The following MARCHF1 variants were observed in gnomAD, a reference collection of about 807,000 sequenced individuals.
MARCHF1 encodes membrane associated ring-CH-type finger 1.
A neutral mutation model predicts 54.2 loss-of-function variants in MARCHF1; 40 were observed. The ratio of observed to expected loss-of-function variants is 0.74; its 90% CI spans 0.57 to 0.96. The LOEUF is 0.96. Among genes scored for constraint, MARCHF1 ranks in the 40% least tolerant of loss-of-function variants. The probability of loss-of-function intolerance (pLI) is 0.00; values close to 1 mark genes in which losing one functional copy is unlikely to be tolerated. For missense variants in MARCHF1, 586 were observed against 656.5 expected (o/e 0.89, Z 1.17); for synonymous variants, 236 against 236.3 (o/e 1.00, Z 0.01).
At chr4:163,718,413 G>A (rs1745332972) in intron 4 of MARCHF1, among the ~76,000 whole-genome samples, 1 of 152,130 alleles carries the variant, frequency 6.6e-6, no homozygotes, top group African/African-American at 2.4e-5. Context: ...ATCTGACAAA[G>A]GGCTAATATC....
At chr4:164,373,402 T>C (rs1287085306) in intron 1 of MARCHF1, among the ~76,000 whole-genome samples, 1 of 136,156 alleles carries the variant, frequency 7.3e-6, no homozygotes, top group Non-Finnish European at 1.5e-5. Flanking sequence ...TCACCCAGGC[T>C]AGAATACAAT....
intron 2 of MARCHF1, among the ~76,000 whole-genome samples, chr4:164,021,646 T>C (rs1753667124): frequency 1.3e-5 from 2 of 152,088 alleles, no homozygotes; most frequent in East Asian, 3.9e-4. Context: ...GAAAATATGG[T>C]CCATTTTTGA....
chr4:164,142,377 A>G (rs533327645), intron 1 of MARCHF1, among the ~76,000 whole-genome samples: 2 of 152,268 alleles, frequency 1.3e-5, no homozygotes, highest in East Asian at 1.9e-4. Context: ...CAGGGCACAG[A>G]CAAACAAAAA....
At chr4:163,545,468 A>G in intron 9 of MARCHF1, 128 bp downstream of exon 9, 1 of 800,940 alleles carries the variant, frequency 1.2e-6, no homozygotes, top group South Asian at 2.1e-5. Flanking sequence ...GGAAGAATCA[A>G]TAGCAAATAC....
At chr4:164,162,560 A>G (rs924578706) in intron 1 of MARCHF1, among the ~76,000 whole-genome samples, 2 of 152,186 alleles carry the variant, frequency 1.3e-5, no homozygotes, top group African/African-American at 4.8e-5. Context: ...CATATTTGGA[A>G]ACCAGAGGAC....
intron 5 of MARCHF1, among the ~76,000 whole-genome samples, chr4:163,644,456 C>T (rs1035127666): frequency 6.6e-6 from 1 of 152,176 alleles, no homozygotes; most frequent in East Asian, 1.9e-4. Context: ...CTCCTCTCAG[C>T]TATGGTCTGA....
chr4:163,980,769 A>T (rs4056326), intron 3 of MARCHF1, among the ~76,000 whole-genome samples: 80,440 of 152,094 alleles, frequency 0.53, 22,805 homozygotes, highest in Middle Eastern at 0.68. Flanking sequence ...TTTTAAGTTA[A>T]AATGAAACAG....
rs183577585 is a variant in MARCHF1 at position 163,876,089 on chromosome 4, A to T, written c.-38-21920T>A. On this transcript the variant is annotated intron_variant, in intron 3 of 9. Transcript: ENST00000514618. ...TATTTTAAAAATAAATATTCACAGA[A>T]ATTATATCATGACAAACCCTAGACA... is the stretch of plus-strand genomic sequence containing the variant. Among the ~76,000 whole-genome samples the T allele has an allele frequency of 2.4e-3, 363 of 152,246 alleles. 9 individuals carry two copies. The highest frequency in any genetic ancestry group is 8.1e-4 in the Non-Finnish European group (55 of 67,986).
intron 3 of MARCHF1, among the ~76,000 whole-genome samples, chr4:163,913,946 C>A (rs933019475): frequency 6.6e-6 from 1 of 152,102 alleles, no homozygotes; most frequent in Non-Finnish European, 1.5e-5. Flanking sequence ...ACAAAACAGG[C>A]GTGAGTCTGA....
At position 163,700,845 on chromosome 4, in the gene MARCHF1, G is replaced by C. The variant is rs867253866; in HGVS notation, c.130C>G (p.Arg44Gly). 6.5e-7 allele frequency: 1 copy of C among 1,535,964 alleles called. No individual in the cohort carries two copies. ...ATGTTACTTGATCGACTTGCAGATC[G>C]CCCTGGGGATTTTTCATTCTGAAAA... ...TSTLNEKSPG[R>G]SASRSSNISK... The change falls in exon 5 of 10, where the codon CGA becomes GGA. Residue 44 changes from arginine to glycine, a missense_variant. Arg to Gly is a moderately radical substitution (Grantham distance 125, BLOSUM62 -2). Transcript: ENST00000514618.
chr4:164,078,773 T>C (rs1259027099), intron 2 of MARCHF1, among the ~76,000 whole-genome samples: 1 of 152,178 alleles, frequency 6.6e-6, no homozygotes, highest in African/African-American at 2.4e-5. Context: ...TTTCCGAGCA[T>C]AAAAACCTGT....
At chr4:163,596,455 G>A (rs1056549480) in intron 7 of MARCHF1, among the ~76,000 whole-genome samples, 1 of 148,190 alleles carries the variant, frequency 6.7e-6, no homozygotes, top group African/African-American at 2.5e-5. Flanking sequence ...CGGGAGAATC[G>A]CTTGAACTCG....
chr4:163,612,903 C>T lies in MARCHF1; in HGVS notation c.378G>A (p.Glu126=). 2.0e-6 allele frequency: 3 copies of T among 1,535,510 alleles called. No homozygotes were observed. Among genetic ancestry groups the T allele is most frequent in the Non-Finnish European group, 2.6e-6 (3 of 1,146,528 alleles). The change falls in exon 7 of 10, where the codon GAG becomes GAA. Residue 126 remains glutamate, a synonymous_variant. Transcript: ENST00000514618. ...GTTCTTCTGCAGCATGCTCATATCT[C>T]TCAGAGGCTTTTCTCCTCCTCCTAG... The part of the protein sequence containing the change: ...QRPRRRRKAS[E]RYEHAAEEQI...
chr4:164,283,356 C>T (rs1042774395), intron 1 of MARCHF1, among the ~76,000 whole-genome samples: 3 of 150,864 alleles, frequency 2.0e-5, no homozygotes, highest in Non-Finnish European at 2.9e-5. Flanking sequence ...TTAAACACAC[C>T]TTCCCTACCA....
At chr4:164,336,393 G>C (rs1729739924) in intron 1 of MARCHF1, among the ~76,000 whole-genome samples, 1 of 152,208 alleles carries the variant, frequency 6.6e-6, no homozygotes, top group Admixed American at 6.5e-5. Context: ...ATCCATTGAA[G>C]AAGGATTTAC....
In MARCHF1 at chr4:164,275,545, C is replaced by A. The variant is rs1733858112; in HGVS notation, c.-323+108325G>T. Among the ~76,000 whole-genome samples the A allele has an allele frequency of 2.0e-5, 3 of 152,202 alleles. 1 individual carries two copies. The South Asian group carries it at 6.2e-4, about 31-fold the overall frequency. On this transcript the variant is annotated intron_variant, in intron 1 of 9. Transcript: ENST00000514618. ...ACGTTTGGATAATTTTTCCTTGTCC[C>A]TTGACATAAACTTGATAAATAACTG...
chr4:164,254,368 ATATAAAGTTAATACTTAACAAACT>A (rs1390994976), intron 1 of MARCHF1, among the ~76,000 whole-genome samples: 2 of 148,506 alleles, frequency 1.3e-5, no homozygotes, highest in Non-Finnish European at 3.0e-5. Context: ...ACTCCCCTTT[ATATAAAGTTAATACTTAACAAACT>A]TATAAAGTTA....
chr4:163,933,310 T>C, intron 3 of MARCHF1: 1 of 560,862 alleles, frequency 1.8e-6, no homozygotes, highest in Admixed American at 2.2e-5. Flanking sequence ...CATATCTCCA[T>C]TCCTTATTCC....
intron 4 of MARCHF1, among the ~76,000 whole-genome samples, chr4:163,730,435 G>C (rs533534556): frequency 3.9e-5 from 6 of 151,968 alleles, no homozygotes; most frequent in African/African-American, 1.4e-4. Flanking sequence ...AGAATGAGTC[G>C]TACTTTTTCA....
Sources: allele counts gnomAD v4.1 joint callset (sites outside exome capture counted in the v4.1 genomes callset), GRCh38; gene constraint gnomAD v4.1.1; transcripts MANE v1.5; gene names NCBI Gene and HGNC (gene_info 2026-07-23, HGNC 2026-07-21).